The following AMPH variants were observed in gnomAD, a reference collection of about 807,000 sequenced individuals.
The protein encoded by AMPH is amphiphysin, also known as amphiphysin (Stiff-Mann syndrome with breast cancer 128kD autoantigen).
In AMPH, 49 loss-of-function variants were observed where a neutral mutation model predicts 99.1. The observed-to-expected ratio is 0.49, with a 90% CI of 0.39 to 0.63. AMPH has a LOEUF of 0.63. Ranked by LOEUF, AMPH falls within the 20% of genes least tolerant of loss-of-function variation. AMPH has a pLI of 0.00. For synonymous variants in AMPH, 314 were observed against 317.3 expected, an observed-to-expected ratio of 0.99 and a Z score of 0.11; for missense variants, 759 against 863.4, an observed-to-expected ratio of 0.88 and a Z score of 1.52.
intron 6 of AMPH, among the ~76,000 whole-genome samples, chr7:38,476,620 G>A (rs569081423): frequency 1.4e-4 from 22 of 152,208 alleles, no homozygotes; most frequent in African/African-American, 4.1e-4. Flanking sequence ...CTTTGATCCC[G>A]CAACATTGTA....
chr7:38,610,316 GAAAAGAAAAGA>G lies in AMPH; in HGVS notation c.69+20956_69+20966del, dbSNP rs1562860384. Among the ~76,000 whole-genome samples, 33 of 25,468 alleles carry G rather than the reference GAAAAGAAAAGA, an allele frequency of 1.3e-3. 3 individuals are homozygous for G. The highest frequency in any genetic ancestry group is 6.2e-3 in the African/African-American group (30 of 4,802). 16.7% of individuals were successfully genotyped at this position (25,468 alleles called of 152,430 possible). On this transcript the variant is annotated intron_variant, in intron 1 of 20. Coordinates refer to ENST00000356264, the MANE Select transcript of AMPH (RefSeq NM_001635.4). ...AGAAAGAAAAGAAAAGAAAAGAAAA[GAAAAGAAAAGA>G]AAAGAAAAAAGAAAAGAAAAGAAAA... is the stretch of plus-strand genomic sequence containing the variant.
intron 1 of AMPH, among the ~76,000 whole-genome samples, chr7:38,569,560 T>C (rs779999161): frequency 4.0e-5 from 6 of 151,828 alleles, no homozygotes; most frequent in Non-Finnish European, 5.9e-5. Flanking sequence ...AGAAAAATAA[T>C]GGCTGGAATA....
intron 7 of AMPH, among the ~76,000 whole-genome samples, chr7:38,473,999 T>A (rs1423029722): frequency 1.3e-5 from 2 of 151,182 alleles, no homozygotes; most frequent in East Asian, 1.9e-4. Context: ...GATGTCAAGG[T>A]GGAGCTTCTG....
At chr7:38,525,445 CGTGTGTGTGTGTGTGTGT>C (rs146505083) in intron 2 of AMPH, among the ~76,000 whole-genome samples, 5 of 125,490 alleles carry the variant, frequency 4.0e-5, no homozygotes, top group South Asian at 5.2e-4. Context: ...CTCATTTGTG[CGTGTGTGTGTGTGTGTGT>C]GTGTGTGTGT....
intron 20 of AMPH, among the ~76,000 whole-genome samples, 199 bp downstream of exon 20, chr7:38,389,605 A>C (rs1285074533): frequency 1.3e-5 from 2 of 152,186 alleles, no homozygotes; most frequent in African/African-American, 2.4e-5. Flanking sequence ...GTATTATATA[A>C]AAAAAGAATG....
chr7:38,602,959 C>A (rs914797593), intron 1 of AMPH, among the ~76,000 whole-genome samples: 2 of 152,132 alleles, frequency 1.3e-5, no homozygotes, highest in East Asian at 3.9e-4. Context: ...CTGAAAGTTG[C>A]CTGAGATTAA....
intron 2 of AMPH, among the ~76,000 whole-genome samples, chr7:38,523,335 T>C (rs1359487993): frequency 6.6e-6 from 1 of 152,142 alleles, no homozygotes; most frequent in Non-Finnish European, 1.5e-5. Flanking sequence ...AGAACCCAGA[T>C]CTTGGTTTCT....
intron 2 of AMPH, among the ~76,000 whole-genome samples, chr7:38,516,609 G>A (rs992831311): frequency 2.6e-5 from 4 of 152,220 alleles, no homozygotes; most frequent in Non-Finnish European, 4.4e-5. Context: ...AGAAATATGG[G>A]ATTGGACTCC....
At chr7:38,483,116 A>G (rs1289738313) in intron 5 of AMPH, among the ~76,000 whole-genome samples, 1 of 152,102 alleles carries the variant, frequency 6.6e-6, no homozygotes, top group East Asian at 1.9e-4. Context: ...AAGAGTGAAG[A>G]AATAGGACAG....
chr7:38,615,839 G>A (rs574766799), intron 1 of AMPH, among the ~76,000 whole-genome samples: 81 of 152,282 alleles, frequency 5.3e-4, no homozygotes, highest in African/African-American at 1.6e-3. Context: ...TGGCCACGTG[G>A]TTCTGTAGCA....
intron 3 of AMPH, among the ~76,000 whole-genome samples, chr7:38,495,816 A>G (rs3807416): frequency 0.18 from 27,799 of 152,110 alleles, 2,770 homozygotes; most frequent in Middle Eastern, 0.28. Flanking sequence ...AATAGCATTA[A>G]AGATATATGC....
chr7:38,612,390 T>C lies in AMPH; in HGVS notation c.69+18893A>G, dbSNP rs889440987. On this transcript the variant is annotated intron_variant, in intron 1 of 20. Coordinates refer to ENST00000356264, the MANE Select transcript of AMPH (RefSeq NM_001635.4). ...CGCACCCGGCCTGTTTTTGTCTTTT[T>C]ACAAATATCACTGTGAAAATGCCAC... is the stretch of plus-strand genomic sequence containing the variant. Among the ~76,000 whole-genome samples the C allele has an allele frequency of 3.3e-5, 5 of 152,068 alleles. No individual in the cohort carries two copies. The East Asian group carries it at 5.8e-4, about 18-fold the overall frequency.
chr7:38,626,560 A>G (rs1392708742), intron 1 of AMPH, among the ~76,000 whole-genome samples: 1 of 152,248 alleles, frequency 6.6e-6, no homozygotes, highest in Non-Finnish European at 1.5e-5. Context: ...TGGATCAAAG[A>G]CTTAAATGTA....
At chr7:38,417,683 G>A in intron 17 of AMPH, 142 bp downstream of exon 17, 1 of 1,067,796 alleles carries the variant, frequency 9.4e-7, no homozygotes, top group South Asian at 1.6e-5. Flanking sequence ...AGGCATGAAG[G>A]CTATTTGAAC....
chr7:38,439,389 C>T (rs1299868545), intron 11 of AMPH, among the ~76,000 whole-genome samples: 1 of 152,140 alleles, frequency 6.6e-6, no homozygotes, highest in Non-Finnish European at 1.5e-5. Context: ...CTTAGCTTTG[C>T]CCTCTTAATC....
At chr7:38,607,459 G>T (rs566385062) in intron 1 of AMPH, among the ~76,000 whole-genome samples, 63 of 152,126 alleles carry the variant, frequency 4.1e-4, no homozygotes, top group Non-Finnish European at 5.6e-4. Flanking sequence ...GAATGCAAAA[G>T]GTAAATACCC....
intron 5 of AMPH, 124 bp downstream of exon 5, chr7:38,490,926 A>G: frequency 1.6e-6 from 1 of 625,072 alleles, no homozygotes; most frequent in South Asian, 2.5e-5. Context: ...GCTTAAATAA[A>G]TGAAAAGTTA....
chr7:38,414,323 C>T (rs537635227), intron 17 of AMPH, among the ~76,000 whole-genome samples: 36 of 152,242 alleles, frequency 2.4e-4, no homozygotes, highest in African/African-American at 8.4e-4. Context: ...CCAGGATTCC[C>T]CAACAATTCT....
At chr7:38,476,407 T>C (rs139121324) in intron 6 of AMPH, among the ~76,000 whole-genome samples, 1 of 152,334 alleles carries the variant, frequency 6.6e-6, no homozygotes, top group Non-Finnish European at 1.5e-5. Flanking sequence ...TTAGTCGGCA[T>C]CTGTAACTTG....
Sources: allele counts gnomAD v4.1 joint callset (sites outside exome capture counted in the v4.1 genomes callset), GRCh38; gene constraint gnomAD v4.1.1; transcripts MANE v1.5; gene names NCBI Gene and HGNC (gene_info 2026-07-23, HGNC 2026-07-21).